Variants in TRPC5 observed in about 807,000 individuals in gnomAD.
The protein encoded by TRPC5 is short transient receptor potential channel 5.
In TRPC5, 9 loss-of-function variants were observed where a neutral mutation model predicts 56.5. That is an observed-to-expected ratio of 0.16 (90% CI 0.10 to 0.28). The LOEUF (loss-of-function observed/expected upper bound fraction) is 0.28. Ranked by LOEUF, TRPC5 falls within the 10% of genes least tolerant of loss-of-function variation. The pLI is 1.00. For synonymous variants in TRPC5, 282 were observed against 278.5 expected (o/e 1.01, Z -0.13); for missense variants, 469 against 748.9 (o/e 0.63, Z 4.36).
At position 111,788,700 on chromosome X, in the gene TRPC5, C is replaced by T. The variant is rs138006874; in HGVS notation, c.1897-6562G>A. Among the ~76,000 whole-genome samples the T allele has an allele frequency of 4.3e-3, 481 of 111,840 alleles. 1 individual carries two copies. The highest frequency in any genetic ancestry group is 0.015 in the African/African-American group (461 of 30,802). The stretch of plus-strand genomic sequence containing the variant: ...AGCCCAAAATCTCCTTAAGCTGATA[C>T]GCAACTTCAACAAAGTCTCAGGATA... On this transcript the variant is annotated intron_variant, in intron 7 of 10. Coordinates refer to ENST00000262839, the MANE Select transcript of TRPC5 (RefSeq NM_012471.3).
chrX:111,956,446 AT>A (rs1927238386), intron 1 of TRPC5, among the ~76,000 whole-genome samples: 1 of 111,678 alleles, frequency 9.0e-6, no homozygotes, highest in South Asian at 3.8e-4. Flanking sequence ...TGAATAAATA[AT>A]TCTTAATATA....
intron 1 of TRPC5, among the ~76,000 whole-genome samples, chrX:111,955,820 C>A (rs149655607): frequency 8.9e-6 from 1 of 112,157 alleles, no homozygotes; most frequent in African/African-American, 3.2e-5. Flanking sequence ...CCCCATGACC[C>A]TTTACCTTTA....
chrX:111,860,227 A>C (rs1254784316), intron 3 of TRPC5, among the ~76,000 whole-genome samples: 1 of 112,406 alleles, frequency 8.9e-6, no homozygotes, highest in Non-Finnish European at 1.9e-5. Context: ...CCAGTTTTTA[A>C]ATTCTAGAGG....
rs868734068 is a variant in TRPC5 at position 111,936,433 on chromosome X, T to C, written c.378+15610A>G. The stretch of plus-strand genomic sequence containing the variant: ...TATGTATACATGTGCCATGCTGGTG[T>C]GCTGCACCCATTAACTCGTCATTTA... On this transcript the variant is annotated intron_variant, in intron 2 of 10. Transcript: ENST00000262839. Among the ~76,000 whole-genome samples the C allele has an allele frequency of 1.6e-4, 18 of 109,496 alleles. No individual in the cohort carries two copies. The South Asian group carries it at 7.3e-3, about 44-fold the overall frequency.
intron 3 of TRPC5, among the ~76,000 whole-genome samples, chrX:111,888,708 A>AG (rs1484430371): frequency 2.9e-5 from 3 of 104,184 alleles, no homozygotes; most frequent in African/African-American, 7.1e-5. Flanking sequence ...AAAAAAAAAA[A>AG]AAAAAAAAAA....
At chrX:111,806,043 T>TAA (rs57325504) in intron 7 of TRPC5, among the ~76,000 whole-genome samples, 14 of 109,783 alleles carry the variant, frequency 1.3e-4, no homozygotes, top group Non-Finnish European at 2.5e-4. Context: ...CAAAAGCATT[T>TAA]AAAAAATGTT....
At chrX:111,956,571 T>C (rs776505807) in intron 1 of TRPC5, among the ~76,000 whole-genome samples, 4 of 111,235 alleles carry the variant, frequency 3.6e-5, no homozygotes, top group Non-Finnish European at 7.5e-5. Flanking sequence ...GTCCAAAAAG[T>C]GCCTATAGTG....
At chrX:111,825,228 TTCTCTCTC>T (rs56898407) in intron 7 of TRPC5, among the ~76,000 whole-genome samples, 47 of 76,045 alleles carry the variant, frequency 6.2e-4, no homozygotes, top group African/African-American at 2.9e-3. Flanking sequence ...TCTTCTTTCT[TTCTCTCTC>T]TCTCTCTCTC....
intron 3 of TRPC5, among the ~76,000 whole-genome samples, chrX:111,870,963 C>T (rs1212052550): frequency 2.7e-5 from 3 of 111,583 alleles, no homozygotes; most frequent in Non-Finnish European, 5.6e-5. Context: ...GTAGTTTTTA[C>T]ATTTATAGGA....
chrX:111,803,671 T>G (rs1241084631), intron 7 of TRPC5, among the ~76,000 whole-genome samples: 1 of 112,454 alleles, frequency 8.9e-6, no homozygotes, highest in Non-Finnish European at 1.9e-5. Flanking sequence ...TCTGTTCATA[T>G]CCTTTGCGAA....
intron 7 of TRPC5, among the ~76,000 whole-genome samples, chrX:111,825,159 CTTTCTTT>C (rs1922165083): frequency 2.4e-5 from 1 of 41,479 alleles, no homozygotes; most frequent in Non-Finnish European, 5.0e-5. Flanking sequence ...TTCTTTCTTT[CTTTCTTT>C]CTTTCTTTCT....
At chrX:111,906,011 G>T (rs912362053) in intron 3 of TRPC5, among the ~76,000 whole-genome samples, 2 of 110,228 alleles carry the variant, frequency 1.8e-5, no homozygotes, top group African/African-American at 3.3e-5. Context: ...GGACAAGGGG[G>T]CCACAGTTAT....
At chrX:111,779,912 T>C (rs3027752) in intron 9 of TRPC5, among the ~76,000 whole-genome samples, 434 of 111,890 alleles carry the variant, frequency 3.9e-3, no homozygotes, top group African/African-American at 0.013. Flanking sequence ...TTTTTTGTTA[T>C]TGTTGAGGGC....
At chrX:112,075,800 C>T (rs1208230796) in intron 1 of TRPC5, among the ~76,000 whole-genome samples, 1 of 111,506 alleles carries the variant, frequency 9.0e-6, no homozygotes, top group African/African-American at 3.3e-5. Context: ...TGGGTTGTCT[C>T]TAGAAGTTAG....
chrX:111,869,150 ATTTTTT>A (rs200465770), intron 3 of TRPC5, among the ~76,000 whole-genome samples: 1 of 98,513 alleles, frequency 1.0e-5, no homozygotes, highest in Non-Finnish European at 2.1e-5. Context: ...GCAGTGCAGC[ATTTTTT>A]TTTTTTTTTT....
At chrX:112,018,998 T>C (rs1376809028) in intron 1 of TRPC5, among the ~76,000 whole-genome samples, 1 of 112,476 alleles carries the variant, frequency 8.9e-6, no homozygotes, top group Non-Finnish European at 1.9e-5. Flanking sequence ...CTCTCTGACT[T>C]CCTCTCTCAC....
At chrX:112,036,790 G>C (rs1305236445) in intron 1 of TRPC5, among the ~76,000 whole-genome samples, 1 of 111,489 alleles carries the variant, frequency 9.0e-6, no homozygotes, top group African/African-American at 3.3e-5. Flanking sequence ...TCCAGGGCTT[G>C]TTTTGTAAGG....
Position 112,006,223 on chromosome X carries a change from G to A in TRPC5, c.-21-53782C>T, listed in dbSNP as rs1012919393. Among the ~76,000 whole-genome samples, 18 of 111,202 alleles carry A rather than the reference G, an allele frequency of 1.6e-4. No individual in the cohort carries two copies. In the Admixed American group the frequency reaches 1.6e-3, roughly 10 times the overall value. On this transcript the variant is annotated intron_variant, in intron 1 of 10. Transcript: ENST00000262839. ...GAGAGGTACATGAAAGGGAAGTAGAGGGCCATGGCAGGTCACTGTGAGTTA... is the reference window on the plus strand; with the variant it reads ...GAGAGGTACATGAAAGGGAAGTAGAAGGCCATGGCAGGTCACTGTGAGTTA...
chrX:112,022,212 G>C (rs1292017895), intron 1 of TRPC5, among the ~76,000 whole-genome samples: 1 of 112,182 alleles, frequency 8.9e-6, no homozygotes, highest in Admixed American at 9.4e-5. Context: ...TCAGATTTCT[G>C]TTTTTCCCAA....
Sources: allele counts gnomAD v4.1 joint callset (sites outside exome capture counted in the v4.1 genomes callset), GRCh38; gene constraint gnomAD v4.1.1; transcripts MANE v1.5; gene names NCBI Gene and HGNC (gene_info 2026-07-23, HGNC 2026-07-21).